Variants in RYR3 observed in about 807,000 individuals in gnomAD.
RYR3 encodes the protein ryanodine receptor 3, also known as brain ryanodine receptor-calcium release channel.
RYR3 carries 207 observed loss-of-function variants against 584.3 expected under a neutral mutation model. That is an observed-to-expected ratio of 0.35 (90% confidence interval 0.32 to 0.40). RYR3 has a LOEUF of 0.40. RYR3 is among the 10% of genes least tolerant of loss of function. The probability of loss-of-function intolerance (pLI) is 1.00; values close to 1 mark genes in which losing one functional copy is unlikely to be tolerated. For synonymous variants in RYR3, 2,416 were observed against 2,248.5 expected (o/e 1.07, Z -2.11); for missense variants, 5,616 against 6,089.2 (o/e 0.92, Z 2.59).
Position 33,530,850 on chromosome 15 carries a change from TG to T in RYR3, c.354+185del, listed in dbSNP as rs2054806486. On this transcript the variant is annotated intron_variant, in intron 4 of 103. Transcript: ENST00000634891. ...CCTCAATTTGCAATAATTGCAATTG[TG>T]TTTTTTGTTTCATCAATGTCTGATA... 2.6e-5 allele frequency among the ~76,000 whole-genome samples: 4 copies of T among 152,322 alleles called. No homozygotes were observed. The South Asian group carries it at 8.3e-4, about 32-fold the overall frequency.
chr15:33,836,806 G>A (rs1596918660), intron 87 of RYR3, 100 bp from the exon 88 acceptor site: 1 of 837,782 alleles, frequency 1.2e-6, no homozygotes, highest in East Asian at 2.7e-5. Flanking sequence ...CACTGATGCA[G>A]CCTGCACCTA....
chr15:33,394,825 A>G (rs949563169), intron 1 of RYR3, among the ~76,000 whole-genome samples: 14 of 152,338 alleles, frequency 9.2e-5, no homozygotes, highest in African/African-American at 3.4e-4. Flanking sequence ...CAAGAGGGAG[A>G]GAAATTGATT....
chr15:33,859,802 CTT>C, intron 100 of RYR3, 71 bp downstream of exon 100: 1 of 1,457,766 alleles, frequency 6.9e-7, no homozygotes, highest in Non-Finnish European at 9.3e-7. Context: ...CCATCTATGA[CTT>C]AATTGGTTTA....
At chr15:33,671,034 A>AT (rs2063807114) in intron 38 of RYR3, among the ~76,000 whole-genome samples, 1 of 152,120 alleles carries the variant, frequency 6.6e-6, no homozygotes, top group Non-Finnish European at 1.5e-5. Context: ...TTGGGGTATG[A>AT]TTTTTGAAAA....
chr15:33,341,363 A>G lies in RYR3; in HGVS notation c.51+30267A>G, dbSNP rs878956702. Reference sequence around the variant, plus strand: ...CTGATTCAGTGGACTTTGCATTTGAACATGTTTTCAGATGCTGCTGCTGCT... The same window carrying G: ...CTGATTCAGTGGACTTTGCATTTGAGCATGTTTTCAGATGCTGCTGCTGCT... On this transcript the variant is annotated intron_variant, in intron 1 of 103. Coordinates refer to ENST00000634891, the MANE Select transcript of RYR3 (RefSeq NM_001036.6). Among the ~76,000 whole-genome samples the G allele has an allele frequency of 2.0e-5, 3 of 152,190 alleles. No individual in the cohort carries two copies. The South Asian group carries it at 6.2e-4, about 32-fold the overall frequency.
chr15:33,379,687 C>CTCTCTCTCTCTCTCTCTCTCTCTATA, intron 1 of RYR3, among the ~76,000 whole-genome samples: 11 of 125,498 alleles, frequency 8.8e-5, no homozygotes, highest in African/African-American at 3.9e-4. Flanking sequence ...CTCTCTCTCT[C>CTCTCTCTCTCTCTCTCTCTCTCTATA]TATATATATA....
chr15:33,664,766 C>T (rs992987598), intron 36 of RYR3, among the ~76,000 whole-genome samples: 2 of 151,858 alleles, frequency 1.3e-5, no homozygotes, highest in African/African-American at 4.8e-5. Context: ...GTATATAAAA[C>T]AAGCAGCCTG....
chr15:33,838,261 T>A lies in RYR3; in HGVS notation c.12281T>A (p.Phe4094Tyr). 2 of 1,614,022 alleles carry A rather than the reference T, an allele frequency of 1.2e-6. No individual in the cohort carries two copies. The highest frequency in any genetic ancestry group is 8.5e-7 in the Non-Finnish European group (1 of 1,179,900). The change falls in exon 89 of 104, where the codon TTT becomes TAT. Residue 4094 changes from phenylalanine to tyrosine, a missense_variant. Physicochemically the swap from Phe to Tyr is conservative, Grantham distance 22. Transcript: ENST00000634891. The stretch of plus-strand genomic sequence containing the variant: ...GTGAACTTCTGTGAGGACACCATCT[T>A]TGAAATGCAGTTAGCATCTCAGATC... ...LFVNFCEDTI[F>Y]EMQLASQISE...
At chr15:33,649,844 T>C (rs531125529) in intron 31 of RYR3, among the ~76,000 whole-genome samples, 1 of 152,362 alleles carries the variant, frequency 6.6e-6, no homozygotes, top group African/African-American at 2.4e-5. Flanking sequence ...CAGAGGTGAC[T>C]GAAGAGACCA....
intron 1 of RYR3, among the ~76,000 whole-genome samples, chr15:33,353,405 G>A (rs1311702799): frequency 6.6e-6 from 1 of 152,164 alleles, no homozygotes; most frequent in African/African-American, 2.4e-5. Context: ...AATAGGCAAA[G>A]CTACAAAATA....
At chr15:33,642,166 AC>A (rs1243183744) in intron 27 of RYR3, among the ~76,000 whole-genome samples, 2 of 152,124 alleles carry the variant, frequency 1.3e-5, no homozygotes, top group Non-Finnish European at 2.9e-5. Flanking sequence ...TTTCCCCCTT[AC>A]ATTGTCATTG....
At chr15:33,381,600 T>A (rs2041195626) in intron 1 of RYR3, among the ~76,000 whole-genome samples, 1 of 152,176 alleles carries the variant, frequency 6.6e-6, no homozygotes, top group Non-Finnish European at 1.5e-5. Flanking sequence ...AATTTTTCCT[T>A]CAGGGCTCAA....
At chr15:33,655,427 A>G (rs758352055) in intron 32 of RYR3, among the ~76,000 whole-genome samples, 6 of 152,206 alleles carry the variant, frequency 3.9e-5, no homozygotes, top group Non-Finnish European at 8.8e-5. Context: ...TTCAAAAAAA[A>G]TAATTAATTT....
At chr15:33,719,768 A>C (rs916312607) in intron 43 of RYR3, among the ~76,000 whole-genome samples, 2 of 152,270 alleles carry the variant, frequency 1.3e-5, no homozygotes, top group East Asian at 3.9e-4. Flanking sequence ...ATTAGGTATA[A>C]ATGGTAGGTT....
intron 75 of RYR3, 23 bp from the exon 76 acceptor site, chr15:33,818,555 C>T (rs1484503484): frequency 3.2e-6 from 5 of 1,574,158 alleles, no homozygotes; most frequent in Non-Finnish European, 4.4e-6. Flanking sequence ...ATGCCTAAAA[C>T]CTATCTGTGT....
At chr15:33,565,283 G>A (rs955809402) in intron 11 of RYR3, among the ~76,000 whole-genome samples, 18 of 152,330 alleles carry the variant, frequency 1.2e-4, no homozygotes, top group African/African-American at 3.8e-4. Flanking sequence ...GCAATGTATT[G>A]CTAAACCCAA....
chr15:33,554,942 C>G (rs2056968484), intron 10 of RYR3, among the ~76,000 whole-genome samples: 1 of 152,144 alleles, frequency 6.6e-6, no homozygotes, highest in Non-Finnish European at 1.5e-5. Flanking sequence ...TGTAAAGCCA[C>G]TTTAGAAGTG....
chr15:33,360,996 G>A (rs1974691261), intron 1 of RYR3, among the ~76,000 whole-genome samples: 1 of 152,202 alleles, frequency 6.6e-6, no homozygotes, highest in Admixed American at 6.5e-5. Flanking sequence ...GCACCGAGCA[G>A]TAATGGCTGT....
intron 1 of RYR3, among the ~76,000 whole-genome samples, chr15:33,323,737 T>C (rs1969317446): frequency 6.6e-6 from 1 of 152,202 alleles, no homozygotes; most frequent in African/African-American, 2.4e-5. Context: ...TGCTTTTAAC[T>C]CAACCACATC....
Sources: gnomAD v4.1 joint callset for allele counts (sites outside exome capture counted in the v4.1 genomes callset) on GRCh38, gnomAD v4.1.1 for gene constraint, MANE v1.5 for transcripts, NCBI Gene and HGNC (gene_info 2026-07-23, HGNC 2026-07-21) for gene names.